Variants in ADCY8 observed in about 807,000 individuals in gnomAD.
The protein encoded by ADCY8 is adenylate cyclase type 8.
In ADCY8, 51 loss-of-function variants were observed where a neutral mutation model predicts 119.7. The ratio of observed to expected loss-of-function variants is 0.43; its 90% CI spans 0.34 to 0.54. The LOEUF (loss-of-function observed/expected upper bound fraction) is 0.54. Among genes scored for constraint, ADCY8 ranks in the 20% least tolerant of loss-of-function variants. The pLI, the probability that ADCY8 is intolerant of heterozygous loss-of-function variation, is 0.03. For missense variants in ADCY8, 1,383 were observed against 1,598.8 expected, an observed-to-expected ratio of 0.87 and a Z score of 2.30; for synonymous variants, 665 against 651.0, an observed-to-expected ratio of 1.02 and a Z score of -0.33.
intron 1 of ADCY8, among the ~76,000 whole-genome samples, chr8:130,995,322 T>G (rs1164670153): frequency 6.6e-6 from 1 of 152,202 alleles, no homozygotes. Flanking sequence ...AGAACTAACA[T>G]GTACTATCAT....
chr8:131,028,252 G>T (rs547613275), intron 1 of ADCY8, among the ~76,000 whole-genome samples: 1 of 152,340 alleles, frequency 6.6e-6, no homozygotes, highest in East Asian at 1.9e-4. Flanking sequence ...ATCTTTCATT[G>T]TCCATTGGCA....
intron 1 of ADCY8, among the ~76,000 whole-genome samples, chr8:131,016,312 C>T (rs1032922639): frequency 4.1e-4 from 62 of 151,998 alleles, no homozygotes; most frequent in African/African-American, 1.2e-3. Context: ...CACTTGAGGC[C>T]AGAATTTGAG....
rs1418065900 is a variant in ADCY8, at chr8:130,896,423, T to A, written c.1911+7349A>T. On this transcript the variant is annotated intron_variant, in intron 7 of 17. Coordinates refer to ENST00000286355, the MANE Select transcript of ADCY8 (RefSeq NM_001115.3). ...GATGAGTTTGAATTTAAAGAATGCA[T>A]TTTTTTGCACGCCTTCATATTCACA... Among the ~76,000 whole-genome samples the A allele has an allele frequency of 2.0e-5, 3 of 152,090 alleles. No homozygotes were observed. The South Asian group carries it at 6.2e-4, about 31-fold the overall frequency.
Position 131,016,167 on chromosome 8 carries a change from A to C in ADCY8, c.960+23207T>G, listed in dbSNP as rs1038637346. On this transcript the variant is annotated intron_variant, in intron 1 of 17. Transcript: ENST00000286355. ...AAAAAGTAATTTAAAACAATAGAGC[A>C]GTTAAAGGGGAGAGTAACATGGGGT... Among the ~76,000 whole-genome samples, 4 of 151,990 alleles carry C rather than the reference A, an allele frequency of 2.6e-5. 1 individual carries two copies. The South Asian group carries it at 8.3e-4, about 32-fold the overall frequency.
chr8:130,802,047 C>T (rs1815797382), intron 14 of ADCY8, among the ~76,000 whole-genome samples: 1 of 151,918 alleles, frequency 6.6e-6, no homozygotes, highest in Non-Finnish European at 1.5e-5. Context: ...TTCTAAATTC[C>T]TGTGTTAAGG....
intron 7 of ADCY8, among the ~76,000 whole-genome samples, chr8:130,889,009 T>A (rs1819090357): frequency 6.6e-6 from 1 of 152,122 alleles, no homozygotes. Context: ...TACGCTCAAA[T>A]CTCAAAAGAC....
chr8:130,874,354 T>TAAATAAATAAATAAAA (rs1300412408), intron 8 of ADCY8, among the ~76,000 whole-genome samples: 15 of 135,958 alleles, frequency 1.1e-4, no homozygotes, highest in Non-Finnish European at 1.8e-4. Flanking sequence ...AATAAATAAA[T>TAAATAAATAAATAAAA]AAAATACACC....
chr8:130,809,060 A>G (rs1816077179), intron 14 of ADCY8, among the ~76,000 whole-genome samples: 1 of 152,212 alleles, frequency 6.6e-6, no homozygotes, highest in Admixed American at 6.5e-5. Flanking sequence ...ACAGCAGAAT[A>G]GCAGAAGCTG....
intron 9 of ADCY8, among the ~76,000 whole-genome samples, chr8:130,866,771 TG>T (rs1317997406): frequency 6.6e-6 from 1 of 152,204 alleles, no homozygotes; most frequent in East Asian, 1.9e-4. Context: ...ACATGTGACC[TG>T]GGATAAATCC....
intron 3 of ADCY8, among the ~76,000 whole-genome samples, chr8:130,948,521 C>T (rs1821172932): frequency 6.6e-6 from 1 of 151,990 alleles, no homozygotes; most frequent in Non-Finnish European, 1.5e-5. Context: ...CACGTGGGCA[C>T]ACGAATGCCC....
At chr8:130,909,898 T>C (rs577994719) in intron 5 of ADCY8, 32 bp from the exon 6 acceptor site, 5 of 1,608,658 alleles carry the variant, frequency 3.1e-6, no homozygotes, top group East Asian at 2.2e-5. Flanking sequence ...GAGACACATG[T>C]ATAAGACCAG....
chr8:130,863,292 T>G (rs921107694), intron 9 of ADCY8, among the ~76,000 whole-genome samples: 2 of 151,016 alleles, frequency 1.3e-5, no homozygotes, highest in Non-Finnish European at 3.0e-5. Flanking sequence ...GCTACTTAAG[T>G]TTTTTTTTCA....
At chr8:130,908,760 C>T (rs1819873182) in intron 6 of ADCY8, among the ~76,000 whole-genome samples, 1 of 152,162 alleles carries the variant, frequency 6.6e-6, no homozygotes, top group African/African-American at 2.4e-5. Context: ...AATCACACGC[C>T]AGGTGCTGTG....
At chr8:130,905,808 C>T (rs570245910) in intron 6 of ADCY8, among the ~76,000 whole-genome samples, 3 of 152,086 alleles carry the variant, frequency 2.0e-5, no homozygotes, top group East Asian at 1.9e-4. Flanking sequence ...TATAGTGAGC[C>T]GAGATCATGC....
intron 1 of ADCY8, among the ~76,000 whole-genome samples, chr8:131,010,974 A>T (rs1823282535): frequency 6.6e-6 from 1 of 152,220 alleles, no homozygotes; most frequent in Non-Finnish European, 1.5e-5. Context: ...CAGTGATTCC[A>T]AGGAAGTTAG....
intron 5 of ADCY8, among the ~76,000 whole-genome samples, chr8:130,911,261 G>A (rs892040555): frequency 6.6e-6 from 1 of 152,146 alleles, no homozygotes; most frequent in Non-Finnish European, 1.5e-5. Flanking sequence ...TAAGAATTTT[G>A]TTGTAAAACC....
intron 11 of ADCY8, among the ~76,000 whole-genome samples, chr8:130,840,369 A>G (rs1441637318): frequency 2.2e-5 from 3 of 138,352 alleles, no homozygotes; most frequent in Non-Finnish European, 3.3e-5. Flanking sequence ...AGAGCCTACC[A>G]TGTTTGAAGG....
At chr8:130,835,708 A>C (rs553522437) in intron 12 of ADCY8, among the ~76,000 whole-genome samples, 41 of 152,288 alleles carry the variant, frequency 2.7e-4, no homozygotes, top group Non-Finnish European at 5.4e-4. Context: ...TTTGCATATA[A>C]CCTATACATA....
rs1045292580 is a variant in ADCY8 at position 130,784,247 on chromosome 8, T to C, written c.3154-442A>G. Among the ~76,000 whole-genome samples the C allele has an allele frequency of 8.4e-4, 4 of 4,742 alleles. No homozygotes were observed. The South Asian group carries it at 0.037, about 43-fold the overall frequency. The allele number at this position is 4,742 out of a possible 152,430, so 3.1% of individuals were successfully genotyped here. On this transcript the variant is annotated intron_variant, in intron 16 of 17. Coordinates refer to ENST00000286355, the MANE Select transcript of ADCY8 (RefSeq NM_001115.3). ...GTATGTGTGTGTATATGTGCTCTTA[T>C]GTATGTGTAGTTTTCCAGTCTAAGA...
Sources: allele counts gnomAD v4.1 joint callset (sites outside exome capture counted in the v4.1 genomes callset), GRCh38; gene constraint gnomAD v4.1.1; transcripts MANE v1.5; gene names NCBI Gene and HGNC (gene_info 2026-07-23, HGNC 2026-07-21).